The following SPTBN1 variants were observed in gnomAD, a reference collection of about 807,000 sequenced individuals.
SPTBN1 encodes spectrin beta, non-erythrocytic 1.
SPTBN1 carries 32 observed loss-of-function variants against 266.4 expected under a neutral mutation model. The ratio of observed to expected loss-of-function variants is 0.12; its 90% CI spans 0.09 to 0.16. The LOEUF is 0.16. Ranked by LOEUF, SPTBN1 falls within the 10% of genes least tolerant of loss-of-function variation. The pLI is 1.00. For missense variants in SPTBN1, 2,296 were observed against 3,067.1 expected, an observed-to-expected ratio of 0.75 and a Z score of 5.94; for synonymous variants, 1,336 against 1,162.2, an observed-to-expected ratio of 1.15 and a Z score of -3.04.
At chr2:54,594,578 T>C (rs1675922787) in intron 2 of SPTBN1, among the ~76,000 whole-genome samples, 1 of 152,194 alleles carries the variant, frequency 6.6e-6, no homozygotes, top group Non-Finnish European at 1.5e-5. Context: ...GAAGGACGAC[T>C]GTGCCTGGGA....
At chr2:54,458,081 A>G (rs1693162451) in intron 1 of SPTBN1, among the ~76,000 whole-genome samples, 1 of 152,186 alleles carries the variant, frequency 6.6e-6, no homozygotes, top group African/African-American at 2.4e-5. Flanking sequence ...CAACCCAGCT[A>G]TGCATTAATT....
chr2:54,650,056 G>C (rs1326066833), intron 26 of SPTBN1, 67 bp downstream of exon 26: 2 of 1,524,396 alleles, frequency 1.3e-6, no homozygotes, highest in Admixed American at 2.0e-5. Context: ...TTGGGCATCT[G>C]TAAGTATCTC....
chr2:54,530,352 A>AATTTTTTTTTTTTTTT (rs1558810829), intron 2 of SPTBN1, among the ~76,000 whole-genome samples: 1 of 60,700 alleles, frequency 1.6e-5, no homozygotes, highest in Non-Finnish European at 3.5e-5. Flanking sequence ...ATTGTAAAAA[A>AATTTTTTTTTTTTTTT]CTTTTTTTTT....
At position 54,653,539 on chromosome 2, in the gene SPTBN1, A is replaced by G. The variant is rs1182540731; in HGVS notation, c.5578-70A>G. 6.3e-7 allele frequency: 1 copy of G among 1,580,824 alleles called. No individual in the cohort carries two copies. The highest frequency in any genetic ancestry group is 8.5e-7 in the Non-Finnish European group (1 of 1,170,578). On this transcript the variant is annotated intron_variant, in intron 26 of 35. Transcript: ENST00000356805. The surrounding 1 kb of genome is among the most constrained non-coding windows in gnomAD (Gnocchi z 5.1). ...CCCTTTAGTGTATGAGCAGAACAGA[A>G]TAGGGCTTGGGGTGATGGTGGGAAG...
intron 1 of SPTBN1, among the ~76,000 whole-genome samples, chr2:54,494,611 T>C (rs1393417840): frequency 3.9e-5 from 6 of 152,204 alleles, no homozygotes; most frequent in African/African-American, 1.4e-4. Context: ...AGAATAATTA[T>C]ACTGGGTAAG....
At chr2:54,551,841 G>A (rs1164711858) in intron 2 of SPTBN1, among the ~76,000 whole-genome samples, 1 of 150,564 alleles carries the variant, frequency 6.6e-6, no homozygotes, top group South Asian at 2.1e-4. Flanking sequence ...TTTTTTTCTT[G>A]TTATTTTGAG....
At chr2:54,473,082 A>G (rs1289738125) in intron 1 of SPTBN1, among the ~76,000 whole-genome samples, 3 of 152,092 alleles carry the variant, frequency 2.0e-5, no homozygotes, top group Admixed American at 1.3e-4. Context: ...CTTTTGTTTC[A>G]CTGTCTTCAT....
At chr2:54,518,825 A>G (rs182412693) in intron 1 of SPTBN1, among the ~76,000 whole-genome samples, 12 of 152,318 alleles carry the variant, frequency 7.9e-5, no homozygotes, top group Non-Finnish European at 1.6e-4. Context: ...GGGTGTGTGC[A>G]TATGTGTAGT....
chr2:54,614,330 G>A (rs1035893184), intron 4 of SPTBN1, among the ~76,000 whole-genome samples: 1 of 152,010 alleles, frequency 6.6e-6, no homozygotes, highest in African/African-American at 2.4e-5. Flanking sequence ...TACCTACAAC[G>A]GTCTCTCCTT....
intron 28 of SPTBN1, 85 bp from the exon 29 acceptor site, chr2:54,655,829 T>C (rs1572766009): frequency 1.0e-6 from 1 of 992,488 alleles, no homozygotes; most frequent in African/African-American, 1.6e-5. Flanking sequence ...TTGCAGAAAA[T>C]GTATTTTTCT....
chr2:54,527,382 A>G (rs1670883987), intron 2 of SPTBN1: 1 of 152,218 alleles, frequency 6.6e-6, no homozygotes, highest in Non-Finnish European at 1.5e-5. Context: ...TGACTTGAGA[A>G]GTTAAGTTTA....
intron 12 of SPTBN1, among the ~76,000 whole-genome samples, chr2:54,627,726 C>A (rs1462255583): frequency 6.6e-6 from 1 of 152,148 alleles, no homozygotes; most frequent in Non-Finnish European, 1.5e-5. Context: ...TCTTGAAGCT[C>A]CAGTTTATAT....
intron 1 of SPTBN1, among the ~76,000 whole-genome samples, chr2:54,493,693 C>T (rs1271872988): frequency 1.3e-5 from 2 of 152,232 alleles, no homozygotes; most frequent in Non-Finnish European, 1.5e-5. Context: ...TGAGCCACCA[C>T]ACCTGGCCTT....
At chr2:54,577,113 C>T (rs564397371) in intron 2 of SPTBN1, among the ~76,000 whole-genome samples, 19 of 152,236 alleles carry the variant, frequency 1.2e-4, no homozygotes, top group Non-Finnish European at 1.8e-4. Context: ...GGTTTTGCCT[C>T]CTTTTTGTTA....
rs372315077 is a variant in SPTBN1, at chr2:54,541,119, T to C, written c.148+14553T>C. ...TTACCTTTTTCTCTAGCCAGGGACA[T>C]GTATTTGACAGTTCCATGGATTGCC... On this transcript the variant is annotated intron_variant, in intron 2 of 35. Coordinates refer to ENST00000356805, the MANE Select transcript of SPTBN1 (RefSeq NM_003128.3). 1.1e-4 allele frequency among the ~76,000 whole-genome samples: 16 copies of C among 152,360 alleles called. No individual in the cohort carries two copies. The East Asian group carries it at 1.9e-3, about 18-fold the overall frequency.
chr2:54,503,899 C>A (rs1388412880), intron 1 of SPTBN1, among the ~76,000 whole-genome samples: 1 of 152,112 alleles, frequency 6.6e-6, no homozygotes, highest in Non-Finnish European at 1.5e-5. Flanking sequence ...AAGGATATTT[C>A]CAGGAACTGC....
chr2:54,479,385 G>GA (rs1236468468), intron 1 of SPTBN1, among the ~76,000 whole-genome samples: 2 of 152,312 alleles, frequency 1.3e-5, no homozygotes, highest in African/African-American at 4.8e-5. Context: ...TAGGACTTGG[G>GA]AGGGAGTATT....
chr2:54,546,284 A>G (rs906977652), intron 2 of SPTBN1, among the ~76,000 whole-genome samples: 1 of 152,228 alleles, frequency 6.6e-6, no homozygotes, highest in Non-Finnish European at 1.5e-5. Context: ...CATTGACAGA[A>G]TATCAGTGTT....
chr2:54,661,172 C>T (rs756547870), intron 32 of SPTBN1: 5 of 985,426 alleles, frequency 5.1e-6, no homozygotes, highest in African/African-American at 1.7e-5. Context: ...ATAAAGGAAG[C>T]TTTTAGGATG....
Sources: gnomAD v4.1 joint callset for allele counts (sites outside exome capture counted in the v4.1 genomes callset) on GRCh38, gnomAD v4.1.1 for gene constraint, Gnocchi (gnomAD v3.1) non-coding constraint, MANE v1.5 for transcripts, NCBI Gene and HGNC (gene_info 2026-07-23, HGNC 2026-07-21) for gene names.